Variants in WDR25 observed in about 807,000 individuals in gnomAD.
WDR25 encodes WD repeat-containing protein 25.
Under a neutral mutation model 47.7 loss-of-function variants are expected in WDR25, and 35 were observed. The observed-to-expected ratio is 0.73, with a 90% CI of 0.56 to 0.97. WDR25 has a LOEUF of 0.97. Ranked by LOEUF, WDR25 falls within the 50% of genes least tolerant of loss-of-function variation. The pLI, the probability that WDR25 is intolerant of heterozygous loss-of-function variation, is 0.00. For synonymous variants in WDR25, 248 were observed against 278.9 expected, an observed-to-expected ratio of 0.89 and a Z score of 1.10; for missense variants, 634 against 704.7, an observed-to-expected ratio of 0.90 and a Z score of 1.14.
intron 3 of WDR25, among the ~76,000 whole-genome samples, chr14:100,469,708 G>C (rs984141599): frequency 6.6e-6 from 1 of 152,200 alleles, no homozygotes; most frequent in Non-Finnish European, 1.5e-5. Flanking sequence ...TTACTACTGA[G>C]CACTGTGTGC....
At chr14:100,399,131 G>A (rs1373847884) in intron 2 of WDR25, among the ~76,000 whole-genome samples, 1 of 150,626 alleles carries the variant, frequency 6.6e-6, no homozygotes, top group Non-Finnish European at 1.5e-5. Context: ...AACCCAGCCA[G>A]CCTTTTGGGC....
intron 3 of WDR25, among the ~76,000 whole-genome samples, chr14:100,482,326 G>A (rs977607907): frequency 2.6e-5 from 4 of 152,168 alleles, no homozygotes; most frequent in African/African-American, 9.6e-5. Context: ...ACATAACTCA[G>A]ATGATTTCAG....
Position 100,525,963 on chromosome 14 carries a change from A to G in WDR25, c.1195A>G (p.Thr399Ala). Reference sequence around the variant, plus strand: ...GTTCCTGAGCAGCACAGACGCTTCCACCCGGGACTCAGCTGACCGCACCAT... The same window carrying G: ...GTTCCTGAGCAGCACAGACGCTTCCGCCCGGGACTCAGCTGACCGCACCAT... ...SEFLSSTDAS[T>A]RDSADRTIIA... is the part of the protein sequence containing the mutation. The change falls in exon 5 of 7, where the codon ACC becomes GCC. Residue 399 changes from threonine (T) to alanine (A), a missense_variant. By Grantham distance (58) the Thr-to-Ala change is moderately conservative. Coordinates refer to ENST00000402312, the MANE Select transcript of WDR25 (RefSeq NM_001161476.3). The surrounding 1 kb of genome is among the most constrained non-coding windows in gnomAD (Gnocchi z 4.6). 6.2e-7 allele frequency: 1 copy of G among 1,613,910 alleles called. No individual in the cohort carries two copies. Among genetic ancestry groups the G allele is most frequent in the Non-Finnish European group, 8.5e-7 (1 of 1,179,948 alleles).
chr14:100,386,358 T>G (rs545381320), intron 2 of WDR25, among the ~76,000 whole-genome samples: 11 of 152,360 alleles, frequency 7.2e-5, no homozygotes, highest in Non-Finnish European at 1.3e-4. Flanking sequence ...TTGCATAGTA[T>G]GTGCAGTTTT....
intron 4 of WDR25, among the ~76,000 whole-genome samples, chr14:100,496,293 T>G (rs1168527119): frequency 6.6e-6 from 1 of 152,266 alleles, no homozygotes; most frequent in Non-Finnish European, 1.5e-5. Flanking sequence ...TTAATGTACA[T>G]ACACTGATTT....
Position 100,478,384 on chromosome 14 carries a change from C to T in WDR25, c.971-5610C>T, listed in dbSNP as rs12437125. 8.3e-4 allele frequency among the ~76,000 whole-genome samples: 126 copies of T among 152,302 alleles called. 3 individuals carry two copies. Among genetic ancestry groups the T allele is most frequent in the Admixed American group, 7.8e-3 (120 of 15,304 alleles). ...AGAGCTGGGATGGGATCTGGGTCTGCGTGGCTCTGAACTCCTCAGCTATAC... is the reference window on the plus strand; with the variant it reads ...AGAGCTGGGATGGGATCTGGGTCTGTGTGGCTCTGAACTCCTCAGCTATAC... On this transcript the variant is annotated intron_variant, in intron 3 of 6. Transcript: ENST00000402312.
At chr14:100,395,130 A>G (rs1897229478) in intron 2 of WDR25, among the ~76,000 whole-genome samples, 3 of 152,198 alleles carry the variant, frequency 2.0e-5, no homozygotes, top group Admixed American at 2.0e-4. Flanking sequence ...CCAAGGCCAG[A>G]TGGCGCTTCC....
At chr14:100,435,680 C>G (rs1898479288) in intron 2 of WDR25, among the ~76,000 whole-genome samples, 1 of 152,304 alleles carries the variant, frequency 6.6e-6, no homozygotes, top group South Asian at 2.1e-4. Flanking sequence ...TTCATTCATT[C>G]ATTCATTCAG....
intron 2 of WDR25, among the ~76,000 whole-genome samples, chr14:100,438,176 GAGA>G (rs920404726): frequency 1.3e-5 from 2 of 152,198 alleles, no homozygotes; most frequent in African/African-American, 4.8e-5. Flanking sequence ...GTGTAATTTG[GAGA>G]AGATTTGCAA....
intron 2 of WDR25, among the ~76,000 whole-genome samples, chr14:100,397,026 A>T (rs1897274368): frequency 6.6e-6 from 1 of 152,214 alleles, no homozygotes; most frequent in African/African-American, 2.4e-5. Flanking sequence ...TTCAGAGGAG[A>T]TGCTGCTGGA....
intron 2 of WDR25, among the ~76,000 whole-genome samples, chr14:100,398,394 A>G (rs1289538318): frequency 1.3e-5 from 2 of 152,150 alleles, no homozygotes; most frequent in African/African-American, 4.8e-5. Context: ...GTTAAGCCCT[A>G]TCGGAGCATT....
chr14:100,522,289 C>T (rs1252555428), intron 4 of WDR25, among the ~76,000 whole-genome samples: 1 of 151,990 alleles, frequency 6.6e-6, no homozygotes, highest in Non-Finnish European at 1.5e-5. Context: ...TCACTTATTG[C>T]TTCTGGGTTT....
intron 2 of WDR25, among the ~76,000 whole-genome samples, chr14:100,446,112 G>T (rs74664648): frequency 6.6e-6 from 1 of 152,190 alleles, no homozygotes; most frequent in Admixed American, 6.5e-5. Flanking sequence ...TCCTCCTGGC[G>T]TGGTGGGGAA....
chr14:100,476,753 C>T (rs1178621855), intron 3 of WDR25, among the ~76,000 whole-genome samples: 7 of 152,210 alleles, frequency 4.6e-5, no homozygotes. Flanking sequence ...TGCGTGCAAG[C>T]TCCAGACAGG....
At chr14:100,476,624 C>G (rs979706591) in intron 3 of WDR25, 2 of 152,220 alleles carry the variant, frequency 1.3e-5, no homozygotes, top group African/African-American at 4.8e-5. Context: ...CAGGGCCAGT[C>G]TCCGTCTCAG....
At chr14:100,435,849 G>A (rs1333488903) in intron 2 of WDR25, among the ~76,000 whole-genome samples, 1 of 152,182 alleles carries the variant, frequency 6.6e-6, no homozygotes, top group Non-Finnish European at 1.5e-5. Flanking sequence ...GGGCTTGTAA[G>A]TGAGGTTTGG....
chr14:100,499,002 A>G lies in WDR25; in HGVS notation c.1101+14878A>G, dbSNP rs919503468. Among the ~76,000 whole-genome samples, 6 of 152,190 alleles carry G rather than the reference A, an allele frequency of 3.9e-5. No homozygotes were observed. The highest frequency in any genetic ancestry group is 8.8e-5 in the Non-Finnish European group (6 of 68,046). On this transcript the variant is annotated intron_variant, in intron 4 of 6. Transcript: ENST00000402312. The surrounding 1 kb of genome is among the most constrained non-coding windows in gnomAD (Gnocchi z 4.4). ...GGGTAGAGGCAAAAAAGGGCCTTGGAGACCTGGAGACCCAAGTGCTGCCCA... is the reference window on the plus strand; with the variant it reads ...GGGTAGAGGCAAAAAAGGGCCTTGGGGACCTGGAGACCCAAGTGCTGCCCA...
chr14:100,382,167 C>G (rs1489934380), intron 2 of WDR25: 3 of 702,782 alleles, frequency 4.3e-6, no homozygotes, highest in Non-Finnish European at 7.8e-6. Flanking sequence ...TAGACCCAGC[C>G]CCTGGTGTCA....
chr14:100,487,427 T>G (rs535316473), intron 4 of WDR25: 1 of 152,220 alleles, frequency 6.6e-6, no homozygotes, highest in Non-Finnish European at 1.5e-5. Context: ...CTATACTCAT[T>G]TATGTATCAT....
Sources: allele counts gnomAD v4.1 joint callset (sites outside exome capture counted in the v4.1 genomes callset), GRCh38; gene constraint gnomAD v4.1.1; non-coding constraint Gnocchi (gnomAD v3.1); transcripts MANE v1.5; gene names NCBI Gene and HGNC (gene_info 2026-07-23, HGNC 2026-07-21).